The following PDE7A variants were observed in gnomAD, a reference collection of about 807,000 sequenced individuals.
PDE7A encodes phosphodiesterase 7A, also known as high affinity 3',5'-cyclic-AMP phosphodiesterase 7A.
Under a neutral mutation model 64.3 loss-of-function variants are expected in PDE7A, and 39 were observed. That is an observed-to-expected ratio of 0.61 (90% CI 0.47 to 0.79). The LOEUF is 0.79. Ranked by LOEUF, PDE7A falls within the 30% of genes least tolerant of loss-of-function variation. PDE7A has a pLI of 0.00. For missense variants in PDE7A, 470 were observed against 582.8 expected (o/e 0.81, Z 1.99); for synonymous variants, 203 against 206.8 (o/e 0.98, Z 0.16).
At chr8:65,725,909 G>A (rs1013925556) in intron 9 of PDE7A, among the ~76,000 whole-genome samples, 3 of 151,946 alleles carry the variant, frequency 2.0e-5, no homozygotes, top group African/African-American at 4.8e-5. Context: ...AGCAATTTTC[G>A]TATTTGTACT....
chr8:65,840,215 C>CATG (rs1190428497), intron 1 of PDE7A, among the ~76,000 whole-genome samples: 9 of 152,132 alleles, frequency 5.9e-5, no homozygotes, highest in Admixed American at 3.9e-4. Context: ...CTGCTCTGAC[C>CATG]TCATTAGCAT....
At chr8:65,827,009 C>A (rs1373626360) in intron 1 of PDE7A, among the ~76,000 whole-genome samples, 1 of 152,104 alleles carries the variant, frequency 6.6e-6, no homozygotes, top group East Asian at 1.9e-4. Context: ...CTCATTGAAT[C>A]GAGGGTCTGT....
intron 10 of PDE7A, 138 bp downstream of exon 10, chr8:65,724,639 G>T: frequency 4.2e-6 from 3 of 711,488 alleles, no homozygotes; most frequent in Non-Finnish European, 6.9e-6. Context: ...TGGAAGGAGT[G>T]TGCGCTAATT....
In PDE7A at chr8:65,715,673, C is replaced by T. The variant is rs1417868401; in HGVS notation, c.*3617G>A. 2.0e-5 allele frequency among the ~76,000 whole-genome samples: 3 copies of T among 147,212 alleles called. No individual in the cohort carries two copies. The highest frequency in any genetic ancestry group is 2.5e-5 in the African/African-American group (1 of 40,398). Reference sequence around the variant, plus strand: ...GATTACAGGTGTGAGCCACCATGCCCGGCCACAAAAATGTTCTTAAAAAAT... The same window carrying T: ...GATTACAGGTGTGAGCCACCATGCCTGGCCACAAAAATGTTCTTAAAAAAT... On this transcript the variant is annotated 3_prime_UTR_variant, in exon 13 of 13. Coordinates refer to ENST00000401827, the MANE Select transcript of PDE7A (RefSeq NM_001242318.3).
At chr8:65,742,543 C>A (rs1420628972) in intron 5 of PDE7A, among the ~76,000 whole-genome samples, 1 of 152,148 alleles carries the variant, frequency 6.6e-6, no homozygotes, top group Non-Finnish European at 1.5e-5. Flanking sequence ...AAATTACCAG[C>A]ATAAGAAACA....
chr8:65,759,787 T>G (rs971184051), intron 3 of PDE7A, among the ~76,000 whole-genome samples: 1 of 152,094 alleles, frequency 6.6e-6, no homozygotes, highest in Admixed American at 6.5e-5. Context: ...GGTTTGAGAA[T>G]GGGGAAAGGT....
intron 1 of PDE7A, among the ~76,000 whole-genome samples, chr8:65,819,293 A>G (rs1810483697): frequency 6.6e-6 from 1 of 152,210 alleles, no homozygotes; most frequent in African/African-American, 2.4e-5. Flanking sequence ...AGCTGCTCTG[A>G]GGCTGAGGAG....
Position 65,718,090 on chromosome 8 carries a change from A to C in PDE7A, c.*1200T>G, listed in dbSNP as rs1243135778. 1 of 152,230 alleles carries C rather than the reference A, an allele frequency of 6.6e-6. No individual in the cohort carries two copies. The highest frequency in any genetic ancestry group is 1.5e-5 in the Non-Finnish European group (1 of 68,038). The allele number at this position is 152,230 out of a possible 1,614,324, so 9.4% of individuals were successfully genotyped here. On this transcript the variant is annotated 3_prime_UTR_variant, in exon 13 of 13. Coordinates refer to ENST00000401827, the MANE Select transcript of PDE7A (RefSeq NM_001242318.3). ...GCACTTTTTTCAAATCAAAACAAGA[A>C]GTTTGGTCACTTAGCTATGTGCATA...
chr8:65,779,761 C>T lies in PDE7A; in HGVS notation c.242G>A (p.Arg81Lys), dbSNP rs528622948. The T allele has an allele frequency of 6.2e-7, 1 of 1,600,128 alleles. No homozygotes were observed. The highest frequency in any genetic ancestry group is 8.5e-7 in the Non-Finnish European group (1 of 1,171,014). ...ATCAATATATGGGTGAGAACCTCTTCTTTCTGATTCAAATCCTGCTCGGCT... is the reference window on the plus strand; with the variant it reads ...ATCAATATATGGGTGAGAACCTCTTTTTTCTGATTCAAATCCTGCTCGGCT... ...VRSRAGFESE[R>K]RGSHPYIDFR... The change falls in exon 3 of 13, where the codon AGA (arginine) becomes AAA (lysine). Residue 81 changes from arginine (R) to lysine (K), a missense_variant. Arg to Lys is a conservative substitution (Grantham distance 26). Coordinates refer to ENST00000401827, the MANE Select transcript of PDE7A (RefSeq NM_001242318.3).
intron 1 of PDE7A, among the ~76,000 whole-genome samples, chr8:65,837,518 T>C (rs1036985807): frequency 6.6e-6 from 1 of 152,194 alleles, no homozygotes; most frequent in Non-Finnish European, 1.5e-5. Context: ...CTTATAAACA[T>C]AGCCTGAACA....
chr8:65,829,840 T>C (rs1206331657), intron 1 of PDE7A, among the ~76,000 whole-genome samples: 3 of 151,966 alleles, frequency 2.0e-5, no homozygotes, highest in Non-Finnish European at 4.4e-5. Flanking sequence ...TCTGTATAGC[T>C]ATGGAGAGCA....
intron 3 of PDE7A, among the ~76,000 whole-genome samples, chr8:65,761,500 G>A (rs1294767989): frequency 2.0e-5 from 3 of 152,276 alleles, no homozygotes; most frequent in East Asian, 1.9e-4. Flanking sequence ...TTAAGTCCCA[G>A]GCTTGTGCTA....
At position 65,825,137 on chromosome 8, in the gene PDE7A, A is replaced by C. The variant is rs570768769; in HGVS notation, c.138+16234T>G. Among the ~76,000 whole-genome samples the C allele has an allele frequency of 1.4e-4, 22 of 152,330 alleles. 1 individual carries two copies. The East Asian group carries it at 3.9e-3, about 27-fold the overall frequency. ...ATTTTTACATAAAAAATACTTGATT[A>C]AAATATTCTAAAATGTTAATAGTGG... On this transcript the variant is annotated intron_variant, in intron 1 of 12. Transcript: ENST00000401827.
chr8:65,777,159 A>G (rs1809284739), intron 3 of PDE7A, among the ~76,000 whole-genome samples: 1 of 147,514 alleles, frequency 6.8e-6, no homozygotes, highest in Non-Finnish European at 1.5e-5. Context: ...GGCTAACCGC[A>G]ACCTCTGCCT....
At chr8:65,770,575 C>A (rs1809035977) in intron 3 of PDE7A, among the ~76,000 whole-genome samples, 1 of 152,204 alleles carries the variant, frequency 6.6e-6, no homozygotes, top group Admixed American at 6.5e-5. Context: ...GGAGGGGACA[C>A]AGCCAAACCA....
chr8:65,808,280 T>C (rs1810158027), intron 1 of PDE7A, among the ~76,000 whole-genome samples: 1 of 152,206 alleles, frequency 6.6e-6, no homozygotes, highest in African/African-American at 2.4e-5. Flanking sequence ...AAGTTTTCTT[T>C]TCATCAAATC....
At position 65,791,313 on chromosome 8, in the gene PDE7A, C is replaced by G. The variant is rs1437597246; in HGVS notation, c.139-8470G>C. Among the ~76,000 whole-genome samples the G allele has an allele frequency of 2.6e-5, 4 of 152,350 alleles. 1 individual carries two copies. The South Asian group carries it at 8.3e-4, about 32-fold the overall frequency. On this transcript the variant is annotated intron_variant, in intron 1 of 12. Coordinates refer to ENST00000401827, the MANE Select transcript of PDE7A (RefSeq NM_001242318.3). ...CTGCCATGGGCAAATCACCACTTCTCTGTGCCTTAATTTTTCTCCCCTTCA... is the reference window on the plus strand; with the variant it reads ...CTGCCATGGGCAAATCACCACTTCTGTGTGCCTTAATTTTTCTCCCCTTCA...
At chr8:65,804,444 T>C (rs1437163954) in intron 1 of PDE7A, among the ~76,000 whole-genome samples, 1 of 152,120 alleles carries the variant, frequency 6.6e-6, no homozygotes, top group Non-Finnish European at 1.5e-5. Flanking sequence ...TTCAGTCATA[T>C]TTGGACACCA....
At position 65,740,873 on chromosome 8, in the gene PDE7A, TAAAG is replaced by T. The variant is rs539605493; in HGVS notation, c.500-1280_500-1277del. Among the ~76,000 whole-genome samples the T allele has an allele frequency of 3.1e-3, 470 of 152,106 alleles. 2 individuals are homozygous for T. The highest frequency in any genetic ancestry group is 3.1e-3 in the Non-Finnish European group (212 of 68,002). ...CTAGATTCTCTCATCTCTGAAACAA[TAAAG>T]AATCACAGCCTCTCCTGGCCCCCTC... On this transcript the variant is annotated intron_variant, in intron 5 of 12. Coordinates refer to ENST00000401827, the MANE Select transcript of PDE7A (RefSeq NM_001242318.3).
Sources: gnomAD v4.1 joint callset for allele counts (sites outside exome capture counted in the v4.1 genomes callset) on GRCh38, gnomAD v4.1.1 for gene constraint, MANE v1.5 for transcripts, NCBI Gene and HGNC (gene_info 2026-07-23, HGNC 2026-07-21) for gene names.